The following TEX9 variants were observed in gnomAD, a reference collection of about 807,000 sequenced individuals.
The protein encoded by TEX9 is testis-expressed protein 9.
A neutral mutation model predicts 59.6 loss-of-function variants in TEX9; 74 were observed. The ratio of observed to expected loss-of-function variants is 1.24; its 90% CI spans 1.03 to 1.51. The LOEUF is 1.51. Among genes scored for constraint, TEX9 ranks in the 40% most tolerant of loss-of-function variants. The pLI, the probability that TEX9 is intolerant of heterozygous loss-of-function variation, is 0.00. For missense variants in TEX9, 522 were observed against 447.8 expected, an observed-to-expected ratio of 1.17 and a Z score of -1.49; for synonymous variants, 186 against 152.2, an observed-to-expected ratio of 1.22 and a Z score of -1.64.
intron 12 of TEX9, among the ~76,000 whole-genome samples, chr15:56,431,822 T>C (rs1567146291): frequency 6.6e-6 from 1 of 151,940 alleles, no homozygotes. Context: ...GCTTACCATA[T>C]ACCAGATGCT....
intron 1 of TEX9, among the ~76,000 whole-genome samples, chr15:56,337,414 C>G (rs1173089392): frequency 6.6e-6 from 1 of 152,112 alleles, no homozygotes; most frequent in Admixed American, 6.6e-5. Flanking sequence ...ATAAGTAATT[C>G]AAAGTATAAG....
At chr15:56,268,248 T>A (rs1460547616) in intron 1 of TEX9, among the ~76,000 whole-genome samples, 1 of 152,226 alleles carries the variant, frequency 6.6e-6, no homozygotes, top group Admixed American at 6.5e-5. Flanking sequence ...ATTTTCTAAA[T>A]ATACAATCAT....
chr15:56,304,016 G>A lies in TEX9; in HGVS notation c.-107+59738G>A, dbSNP rs142948834. Among the ~76,000 whole-genome samples, 139 of 152,260 alleles carry A rather than the reference G, an allele frequency of 9.1e-4. 1 individual carries two copies. Among genetic ancestry groups the A allele is most frequent in the African/African-American group, 3.2e-3 (132 of 41,568 alleles). ...TAAAGCTGTAATAAAAAGTTTCCCA[G>A]CAAAGAAAAGCATGGGATTTTATGG... On this transcript the variant is annotated intron_variant, in intron 1 of 5. Transcript: ENST00000560827.
At chr15:56,371,871 C>A (rs1269976629) in intron 2 of TEX9, among the ~76,000 whole-genome samples, 1 of 152,148 alleles carries the variant, frequency 6.6e-6, no homozygotes, top group Non-Finnish European at 1.5e-5. Context: ...TTCTGCTCAC[C>A]TAAGGTTGTG....
chr15:56,358,656 AT>A (rs769633095), intron 1 of TEX9, among the ~76,000 whole-genome samples: 9 of 151,980 alleles, frequency 5.9e-5, no homozygotes, highest in Non-Finnish European at 1.0e-4. Flanking sequence ...GTCTTTTCCT[AT>A]TCTAGGGTTT....
At chr15:56,404,074 A>C (rs1035748599) in intron 9 of TEX9, among the ~76,000 whole-genome samples, 1 of 152,230 alleles carries the variant, frequency 6.6e-6, no homozygotes, top group South Asian at 2.1e-4. Flanking sequence ...AGGCATGGGC[A>C]AGGACACTTC....
the TEX9 span, among the ~76,000 whole-genome samples, chr15:56,452,177 A>T: frequency 6.6e-6 from 1 of 152,204 alleles, no homozygotes; most frequent in African/African-American, 2.4e-5. Context: ...AGGAGGATAC[A>T]GGACTCAGCA....
intron 1 of TEX9, among the ~76,000 whole-genome samples, chr15:56,300,698 AGAGAGAGAGG>A (rs1163642596): frequency 6.6e-5 from 4 of 60,870 alleles, no homozygotes; most frequent in East Asian, 7.2e-4. Context: ...AGAGAGAGAG[AGAGAGAGAGG>A]GAGAGAGAGA....
downstream of TEX9, among the ~76,000 whole-genome samples, chr15:56,449,966 G>A (rs994078287): frequency 2.0e-5 from 3 of 152,092 alleles, no homozygotes; most frequent in Admixed American, 6.5e-5. Context: ...CCAAGGGGTC[G>A]TCAATTTTAT....
chr15:56,340,445 C>T (rs1276081327), intron 1 of TEX9, among the ~76,000 whole-genome samples: 1 of 152,086 alleles, frequency 6.6e-6, no homozygotes, highest in Non-Finnish European at 1.5e-5. Context: ...AAGGTATTCC[C>T]TTTTGAAGGA....
At chr15:56,364,407 C>G (rs1038065412), upstream of TEX9, among the ~76,000 whole-genome samples, 1 of 151,776 alleles carries the variant, frequency 6.6e-6, no homozygotes. Flanking sequence ...CCCGCCTTGG[C>G]CTCCCAAAGT....
At position 56,412,454 on chromosome 15, in the gene TEX9, A is replaced by G. The variant is rs1336619998; in HGVS notation, c.963+18A>G. On this transcript the variant is annotated intron_variant, in intron 10 of 12. Transcript: ENST00000352903. ...ATAACAAGGTATGGAAAAATTGAAT[A>G]GCTTTTGTAGTGATCCCTTTTGGTA... 1.3e-6 allele frequency: 2 copies of G among 1,589,062 alleles called. No homozygotes were observed. Among genetic ancestry groups the G allele is most frequent in the African/African-American group, 2.7e-5 (2 of 73,294 alleles).
intron 1 of TEX9, among the ~76,000 whole-genome samples, chr15:56,277,206 T>C (rs1349785588): frequency 6.6e-6 from 1 of 152,220 alleles, no homozygotes; most frequent in African/African-American, 2.4e-5. Context: ...TTTTGGCCTC[T>C]GTTGCAATTG....
chr15:56,389,879 G>A (rs1475194277), intron 6 of TEX9, among the ~76,000 whole-genome samples: 2 of 151,638 alleles, frequency 1.3e-5, no homozygotes, highest in South Asian at 2.1e-4. Context: ...AATTCAAGAC[G>A]GTTCTTAGTA....
At chr15:56,335,913 G>C (rs1778195065) in intron 1 of TEX9, among the ~76,000 whole-genome samples, 1 of 152,034 alleles carries the variant, frequency 6.6e-6, no homozygotes, top group Non-Finnish European at 1.5e-5. Context: ...TTATATGATT[G>C]TATCATAAAT....
intron 10 of TEX9, among the ~76,000 whole-genome samples, chr15:56,426,176 A>G (rs1283765842): frequency 1.3e-5 from 2 of 151,940 alleles, no homozygotes; most frequent in Non-Finnish European, 2.9e-5. Context: ...AGCTGTTCCC[A>G]TCAGTACTGA....
At chr15:56,309,750 G>A (rs1161892493) in intron 1 of TEX9, among the ~76,000 whole-genome samples, 1 of 104,836 alleles carries the variant, frequency 9.5e-6, no homozygotes, top group Non-Finnish European at 1.8e-5. Context: ...ATTTTATTCA[G>A]TAACAATTAA....
intron 1 of TEX9, among the ~76,000 whole-genome samples, chr15:56,328,012 T>C (rs2046061177): frequency 6.6e-6 from 1 of 152,040 alleles, no homozygotes; most frequent in South Asian, 2.1e-4. Context: ...CCAGGGCAGC[T>C]AAGGGAGTGC....
Position 56,315,960 on chromosome 15 carries a change from G to A in TEX9, c.-106-57481G>A, listed in dbSNP as rs564399341. Among the ~76,000 whole-genome samples, 13 of 151,634 alleles carry A rather than the reference G, an allele frequency of 8.6e-5. 1 individual carries two copies. Among genetic ancestry groups the A allele is most frequent in the African/African-American group, 3.1e-4 (13 of 41,442 alleles). ...GATCGCGTCGGCTCCTGAGGCTTCT[G>A]CATTCTTCACGTAGCTCTCGAGCCT... On this transcript the variant is annotated intron_variant, in intron 1 of 5. Coordinates refer to the TEX9 transcript ENST00000560827.
Sources: gnomAD v4.1 joint callset for allele counts (sites outside exome capture counted in the v4.1 genomes callset) on GRCh38, gnomAD v4.1.1 for gene constraint, MANE v1.5 for transcripts, NCBI Gene and HGNC (gene_info 2026-07-23, HGNC 2026-07-21) for gene names.